Variants in EHMT1 observed in about 807,000 individuals in gnomAD.
EHMT1 encodes the protein histone-lysine N-methyltransferase EHMT1.
EHMT1 carries 15 observed loss-of-function variants against 147.2 expected under a neutral mutation model. The ratio of observed to expected loss-of-function variants is 0.10; its 90% confidence interval spans 0.07 to 0.16. EHMT1 has a LOEUF of 0.16. EHMT1 is among the 10% of genes least tolerant of loss of function. The pLI, the probability that EHMT1 is intolerant of heterozygous loss-of-function variation, is 1.00. For synonymous variants in EHMT1, 795 were observed against 709.6 expected (o/e 1.12, Z -1.91); for missense variants, 1,587 against 1,772.4 (o/e 0.90, Z 1.88).
intron 1 of EHMT1, among the ~76,000 whole-genome samples, chr9:137,622,600 C>T (rs1164381153): frequency 6.6e-6 from 1 of 152,142 alleles, no homozygotes; most frequent in African/African-American, 2.4e-5. Context: ...TTTTTGTTCT[C>T]TTATGTTCAT....
intron 10 of EHMT1, among the ~76,000 whole-genome samples, chr9:137,772,442 G>A (rs923443704): frequency 2.0e-5 from 3 of 152,176 alleles, no homozygotes; most frequent in Non-Finnish European, 4.4e-5. Context: ...GGCCACCTCT[G>A]CAGAGGGTGA....
chr9:137,773,325 G>A (rs773318132), intron 10 of EHMT1, among the ~76,000 whole-genome samples: 1 of 151,562 alleles, frequency 6.6e-6, no homozygotes, highest in Non-Finnish European at 1.5e-5. Flanking sequence ...TGGTGGTGTG[G>A]AGGGGGCATT....
At chr9:137,701,681 G>A (rs1384085423) in intron 1 of EHMT1, among the ~76,000 whole-genome samples, 1 of 145,868 alleles carries the variant, frequency 6.9e-6, no homozygotes, top group Non-Finnish European at 1.5e-5. Context: ...AGGCTGGAGT[G>A]CAATGGTGTG....
intron 1 of EHMT1, among the ~76,000 whole-genome samples, chr9:137,668,923 G>C (rs1940048774): frequency 1.3e-5 from 2 of 152,150 alleles, no homozygotes; most frequent in Admixed American, 1.3e-4. Context: ...GTCTCGCTCT[G>C]TCCCCCAGGC....
rs376628665 is a variant in EHMT1, at chr9:137,813,409, G to A, written c.3059G>A (p.Arg1020His). The change falls in exon 21 of 27, where the codon CGC becomes CAC. Residue 1020 changes from arginine (R) to histidine (H), a missense_variant. Physicochemically the swap from Arg to His is conservative, Grantham distance 29. Transcript: ENST00000460843. The surrounding 1 kb of genome is among the most constrained non-coding windows in gnomAD (Gnocchi z 4.9). Reference sequence around the variant, plus strand: ...AGGGACATCGCTCGAGGCTACGAGCGCATCCCCATCCCCTGTGTCAACGCC... The same window carrying A: ...AGGGACATCGCTCGAGGCTACGAGCACATCCCCATCCCCTGTGTCAACGCC... ...VSRDIARGYE[R>H]IPIPCVNAVD... 42 of 1,612,480 alleles carry A rather than the reference G, an allele frequency of 2.6e-5. No homozygotes were observed. In the Admixed American group the frequency reaches 4.3e-4, roughly 17 times the overall value.
At chr9:137,745,203 C>A (rs1487505573) in intron 6 of EHMT1, among the ~76,000 whole-genome samples, 1 of 152,158 alleles carries the variant, frequency 6.6e-6, no homozygotes, top group Non-Finnish European at 1.5e-5. Context: ...TTTCAGTCAG[C>A]TTTGTGTGCT....
At chr9:137,638,821 A>G (rs959249980) in intron 1 of EHMT1, among the ~76,000 whole-genome samples, 1 of 152,110 alleles carries the variant, frequency 6.6e-6, no homozygotes, top group East Asian at 1.9e-4. Flanking sequence ...GAAGTGGCGC[A>G]TGACTGGGGT....
chr9:137,829,112 G>A (rs1251950726), intron 25 of EHMT1, among the ~76,000 whole-genome samples: 1 of 152,202 alleles, frequency 6.6e-6, no homozygotes, highest in Non-Finnish European at 1.5e-5. Flanking sequence ...CTCGTGCCGT[G>A]CGCCCACTGC....
At chr9:137,692,485 C>T (rs566596946) in intron 1 of EHMT1, among the ~76,000 whole-genome samples, 4 of 152,036 alleles carry the variant, frequency 2.6e-5, no homozygotes, top group East Asian at 3.9e-4. Flanking sequence ...GGCCCGATCT[C>T]GAACTCCTGA....
intron 3 of EHMT1, among the ~76,000 whole-genome samples, chr9:137,724,573 GC>G (rs1946404867): frequency 6.6e-6 from 1 of 152,200 alleles, no homozygotes; most frequent in Non-Finnish European, 1.5e-5. Flanking sequence ...GCAAGAATTA[GC>G]CTCACATGGC....
chr9:137,760,640 G>A (rs1012871498), intron 9 of EHMT1, among the ~76,000 whole-genome samples: 5 of 152,172 alleles, frequency 3.3e-5, no homozygotes, highest in Admixed American at 1.3e-4. Flanking sequence ...TCTCCTGGCC[G>A]TGACCAATAT....
chr9:137,784,074 A>G, intron 15 of EHMT1: 1 of 1,093,162 alleles, frequency 9.1e-7, no homozygotes. Flanking sequence ...AGACCGGGTC[A>G]TTTATAAAGA....
chr9:137,749,418 T>C (rs1359311481), intron 6 of EHMT1, among the ~76,000 whole-genome samples: 1 of 152,142 alleles, frequency 6.6e-6, no homozygotes, highest in African/African-American at 2.4e-5. Context: ...ACCACAGGCA[T>C]GCGCCACCAT....
chr9:137,730,387 G>T (rs1947001888), intron 4 of EHMT1, among the ~76,000 whole-genome samples: 2 of 151,956 alleles, frequency 1.3e-5, no homozygotes, highest in Admixed American at 1.3e-4. Flanking sequence ...TTCAGTTTCT[G>T]CTGTAAGGAG....
intron 3 of EHMT1, among the ~76,000 whole-genome samples, chr9:137,724,944 G>GCAGGCGTGTGGCATTCCTGT (rs1564645079): frequency 8.0e-6 from 1 of 125,712 alleles, no homozygotes; most frequent in African/African-American, 5.1e-5. Flanking sequence ...GGCATTCGTG[G>GCAGGCGTGTGGCATTCCTGT]GGCAGGCGTG....
chr9:137,718,553 C>A (rs1945586458), intron 3 of EHMT1, among the ~76,000 whole-genome samples: 1 of 152,116 alleles, frequency 6.6e-6, no homozygotes, highest in Non-Finnish European at 1.5e-5. Flanking sequence ...GAGTTTTCTT[C>A]TGTTTTCTTC....
chr9:137,765,281 T>C (rs1404168410), intron 10 of EHMT1, among the ~76,000 whole-genome samples: 2 of 152,194 alleles, frequency 1.3e-5, no homozygotes, highest in African/African-American at 2.4e-5. Flanking sequence ...GCAGAATAAA[T>C]AGCTACTTGT....
chr9:137,759,932 CAG>C (rs1345395094), intron 9 of EHMT1, among the ~76,000 whole-genome samples: 2 of 152,144 alleles, frequency 1.3e-5, no homozygotes, highest in Non-Finnish European at 2.9e-5. Flanking sequence ...GGTTGTGGGT[CAG>C]GGGGTCCAGG....
intron 1 of EHMT1, among the ~76,000 whole-genome samples, chr9:137,659,159 C>T (rs1425945518): frequency 6.6e-6 from 1 of 151,318 alleles, no homozygotes; most frequent in Non-Finnish European, 1.5e-5. Context: ...CAGGGTTTTC[C>T]TCCCAAAACA....
Sources: allele counts gnomAD v4.1 joint callset (sites outside exome capture counted in the v4.1 genomes callset), GRCh38; gene constraint gnomAD v4.1.1; non-coding constraint Gnocchi (gnomAD v3.1); transcripts MANE v1.5; gene names NCBI Gene and HGNC (gene_info 2026-07-23, HGNC 2026-07-21).